The following ZSWIM6 variants were observed in gnomAD, a reference collection of about 807,000 sequenced individuals.
ZSWIM6 encodes zinc finger SWIM domain-containing protein 6.
Under a neutral mutation model 113.2 loss-of-function variants are expected in ZSWIM6, and 9 were observed. The observed-to-expected ratio is 0.08, with a 90% confidence interval of 0.05 to 0.14. The LOEUF is 0.14. ZSWIM6 is among the 10% of genes least tolerant of loss of function. The pLI is 1.00. For synonymous variants in ZSWIM6, 611 were observed against 606.5 expected, an observed-to-expected ratio of 1.01 and a Z score of -0.11; for missense variants, 1,162 against 1,552.2, an observed-to-expected ratio of 0.75 and a Z score of 4.22.
chr5:61,408,238 C>T (rs1746080327), intron 1 of ZSWIM6, among the ~76,000 whole-genome samples: 1 of 152,138 alleles, frequency 6.6e-6, no homozygotes, highest in Non-Finnish European at 1.5e-5. Context: ...TAAAATACTT[C>T]TGGGTGAATA....
chr5:61,440,778 T>C (rs1018624353), intron 1 of ZSWIM6, among the ~76,000 whole-genome samples: 1 of 152,150 alleles, frequency 6.6e-6, no homozygotes, highest in African/African-American at 2.4e-5. Context: ...ATTCAACCAA[T>C]TCAGGGAACA....
chr5:61,490,118 G>GT (rs1027724295), intron 2 of ZSWIM6, among the ~76,000 whole-genome samples: 1 of 151,956 alleles, frequency 6.6e-6, no homozygotes, highest in Non-Finnish European at 1.5e-5. Context: ...TATCTGGGTA[G>GT]TTTTTTAATT....
intron 1 of ZSWIM6, among the ~76,000 whole-genome samples, chr5:61,457,357 G>A (rs950031881): frequency 5.3e-5 from 8 of 152,036 alleles, no homozygotes; most frequent in Admixed American, 3.9e-4. Context: ...CTGAAAACTA[G>A]CCATATATTT....
intron 1 of ZSWIM6, among the ~76,000 whole-genome samples, chr5:61,407,284 T>A (rs1309977143): frequency 6.6e-6 from 1 of 152,198 alleles, no homozygotes. Context: ...GACTAGTGGA[T>A]ATATATCTAG....
At chr5:61,362,088 T>C (rs975228526) in intron 1 of ZSWIM6, among the ~76,000 whole-genome samples, 1 of 152,184 alleles carries the variant, frequency 6.6e-6, no homozygotes, top group Non-Finnish European at 1.5e-5. Flanking sequence ...GTAAGTAAAT[T>C]TCCAGGCTCT....
intron 2 of ZSWIM6, among the ~76,000 whole-genome samples, chr5:61,477,047 G>A (rs1747725068): frequency 6.6e-6 from 1 of 152,192 alleles, no homozygotes; most frequent in African/African-American, 2.4e-5. Flanking sequence ...GAAGAGAGAA[G>A]CCAGTAAAGG....
chr5:61,494,943 A>C (rs922718898), intron 4 of ZSWIM6, among the ~76,000 whole-genome samples: 1 of 152,180 alleles, frequency 6.6e-6, no homozygotes, highest in East Asian at 1.9e-4. Flanking sequence ...AAATATAGCA[A>C]GTGTTCAAAA....
intron 1 of ZSWIM6, among the ~76,000 whole-genome samples, chr5:61,363,625 GTGGGGAGAGACCCTAGCTAT>G (rs1579954168): frequency 6.6e-6 from 1 of 152,136 alleles, no homozygotes; most frequent in Non-Finnish European, 1.5e-5. Flanking sequence ...GGCTTGGGGG[GTGGGGAGAGACCCTAGCTAT>G]CAAGGATGGA....
chr5:61,401,288 C>T (rs1745935999), intron 1 of ZSWIM6, among the ~76,000 whole-genome samples: 1 of 152,014 alleles, frequency 6.6e-6, no homozygotes, highest in South Asian at 2.1e-4. Flanking sequence ...AAGAAGGCTT[C>T]CAGTCTTTTT....
rs1048295518 is a variant in ZSWIM6, at chr5:61,472,095, T to G, written c.677-586T>G. Among the ~76,000 whole-genome samples the G allele has an allele frequency of 6.6e-6, 1 of 152,208 alleles. No homozygotes were observed. The highest frequency in any genetic ancestry group is 1.5e-5 in the Non-Finnish European group (1 of 68,032). ...TTGCTGCTCATAGACATTGCTGTAT[T>G]GGGGTATACATTATGCATGTTGCAG... On this transcript the variant is annotated intron_variant, in intron 1 of 13. Coordinates refer to ENST00000252744, the MANE Select transcript of ZSWIM6 (RefSeq NM_020928.2). This position sits in a 1 kb window ranked among gnomAD's most constrained non-coding sequence, Gnocchi z 4.1.
chr5:61,534,442 T>C (rs1749520928), intron 9 of ZSWIM6, among the ~76,000 whole-genome samples: 1 of 152,228 alleles, frequency 6.6e-6, no homozygotes, highest in Non-Finnish European at 1.5e-5. Flanking sequence ...CCATTTCTTC[T>C]GAACTGCATT....
At chr5:61,375,003 A>G in intron 1 of ZSWIM6, 1 of 1,048,754 alleles carries the variant, frequency 9.5e-7, no homozygotes, top group Non-Finnish European at 1.4e-6. Context: ...TAGGAACACT[A>G]TGAAAAAGAA....
intron 1 of ZSWIM6, among the ~76,000 whole-genome samples, chr5:61,441,630 G>A (rs928290385): frequency 1.3e-5 from 2 of 152,158 alleles, no homozygotes; most frequent in African/African-American, 2.4e-5. Flanking sequence ...AGCCCATCTT[G>A]TAGCCTAGGG....
At chr5:61,424,020 T>A (rs370837482) in intron 1 of ZSWIM6, among the ~76,000 whole-genome samples, 1 of 152,318 alleles carries the variant, frequency 6.6e-6, no homozygotes, top group African/African-American at 2.4e-5. Flanking sequence ...TGATCACTTC[T>A]GCTGATGGCC....
chr5:61,482,757 T>G (rs974548716), intron 2 of ZSWIM6, among the ~76,000 whole-genome samples: 9 of 152,154 alleles, frequency 5.9e-5, no homozygotes, highest in African/African-American at 2.2e-4. Context: ...TTTTTTTTCT[T>G]ACATTATAGA....
intron 1 of ZSWIM6, among the ~76,000 whole-genome samples, chr5:61,355,093 AT>A (rs1486908852): frequency 1.3e-5 from 2 of 152,112 alleles, no homozygotes; most frequent in African/African-American, 4.8e-5. Flanking sequence ...TTTTTTGTTT[AT>A]CACAATTCTA....
At chr5:61,523,031 C>G (rs1251055187) in intron 5 of ZSWIM6, among the ~76,000 whole-genome samples, 1 of 152,170 alleles carries the variant, frequency 6.6e-6, no homozygotes, top group Non-Finnish European at 1.5e-5. Flanking sequence ...CTAGGTGATA[C>G]AATTTGGGAC....
At chr5:61,512,537 G>T (rs953423561) in intron 4 of ZSWIM6, among the ~76,000 whole-genome samples, 3 of 152,052 alleles carry the variant, frequency 2.0e-5, no homozygotes, top group African/African-American at 7.2e-5. Flanking sequence ...ATGTGAAACC[G>T]CCAAACTGTT....
chr5:61,337,945 ATTGTT>A (rs1744438651), intron 1 of ZSWIM6, among the ~76,000 whole-genome samples: 1 of 151,874 alleles, frequency 6.6e-6, no homozygotes. Context: ...TTTAATTTAT[ATTGTT>A]TTGGTGTGTT....
Sources: gnomAD v4.1 joint callset for allele counts (sites outside exome capture counted in the v4.1 genomes callset) on GRCh38, gnomAD v4.1.1 for gene constraint, Gnocchi (gnomAD v3.1) non-coding constraint, MANE v1.5 for transcripts, NCBI Gene and HGNC (gene_info 2026-07-23, HGNC 2026-07-21) for gene names.